Variants in MYO7B observed in about 807,000 individuals in gnomAD.
The protein encoded by MYO7B is myosin VIIB, also known as unconventional myosin-VIIb.
In MYO7B, 212 loss-of-function variants were observed where a neutral mutation model predicts 259.7. The observed-to-expected ratio is 0.82, with a 90% confidence interval of 0.73 to 0.91. The LOEUF (loss-of-function observed/expected upper bound fraction) is 0.91, where lower values mean the gene tolerates loss of function less well. Ranked by LOEUF, MYO7B falls within the 40% of genes least tolerant of loss-of-function variation. The pLI is 0.00. For missense variants in MYO7B, 2,732 were observed against 2,813.5 expected (o/e 0.97, Z 0.66); for synonymous variants, 1,197 against 1,166.4 (o/e 1.03, Z -0.54).
In MYO7B at chr2:127,635,180, C is replaced by G; in HGVS notation, c.5774C>G (p.Ser1925Cys). Residue 1925 changes from serine to cysteine, a missense_variant, in exon 43 of 48, where the codon TCT (serine) becomes TGT (cysteine). By Grantham distance (112) the Ser-to-Cys change is moderately radical (BLOSUM62 -1). This residue lies in a region of MYO7B where 821 missense variants were observed against 769.3 expected (regional missense o/e 1.07). Transcript: ENST00000409816. ...YFMRKLWLNI[S>C]PGKDVNADTI... The stretch of plus-strand genomic sequence containing the variant: ...ATGCGGAAATTGTGGCTCAACATAT[C>G]TCCAGGGAAGGATGTGAATGCAGAC... 6.2e-7 allele frequency: 1 copy of G among 1,613,674 alleles called. No homozygotes were observed.
intron 9 of MYO7B, 58 bp downstream of exon 9, chr2:127,578,344 G>A (rs750011430): frequency 1.2e-6 from 2 of 1,600,642 alleles, no homozygotes; most frequent in South Asian, 2.2e-5. Flanking sequence ...GGGGACAGGA[G>A]CAGGAAGGCA....
rs747969345 is a variant in MYO7B at position 127,565,258 on chromosome 2, T to G, written c.158T>G (p.Phe53Cys). ...GAACACTGGATCCGAGCAGAGGACT[T>G]TGGTGTCCTCAGTCCCATGCACCCC... ...GKEHWIRAEDFGVLSPMHPNS... is the reference protein window; with the variant it reads ...GKEHWIRAEDCGVLSPMHPNS... Residue 53 changes from phenylalanine to cysteine, a missense_variant, in exon 4 of 48, where the codon TTT (phenylalanine) becomes TGT (cysteine). Physicochemically the swap from Phe to Cys is radical, Grantham distance 205. Around this residue, in one of 3 missense-constraint regions of MYO7B, gnomAD observed 1,906 missense variants for 2,026.4 expected, o/e 0.94. Coordinates refer to ENST00000409816, the MANE Select transcript of MYO7B (RefSeq NM_001393586.1). The G allele has an allele frequency of 1.2e-6, 2 of 1,613,928 alleles. No homozygotes were observed. The highest frequency in any genetic ancestry group is 1.7e-6 in the Non-Finnish European group (2 of 1,179,848).
intron 2 of MYO7B, among the ~76,000 whole-genome samples, chr2:127,560,994 C>T (rs549146366): frequency 1.3e-5 from 2 of 152,256 alleles, no homozygotes; most frequent in South Asian, 4.1e-4. Context: ...AGAAAGGACA[C>T]ACATGGTCTA....
At chr2:127,543,548 C>T (rs1693092700) in intron 1 of MYO7B, among the ~76,000 whole-genome samples, 2 of 152,056 alleles carry the variant, frequency 1.3e-5, no homozygotes, top group South Asian at 4.1e-4. Context: ...CTTTTCCCCA[C>T]AAAGGAAAAG....
chr2:127,589,271 ATGGGTGGGTGGATGGG>A (rs1474933553), intron 15 of MYO7B, among the ~76,000 whole-genome samples: 4 of 44,358 alleles, frequency 9.0e-5, no homozygotes, highest in South Asian at 8.4e-4. Flanking sequence ...GAGTGGATGG[ATGGGTGGGTGGATGGG>A]TGGGTGGGTG....
Position 127,627,345 on chromosome 2 carries a change from CTG to C in MYO7B, c.4460+36_4460+37del, listed in dbSNP as rs1558847573. 1 of 1,606,726 alleles carries C rather than the reference CTG, an allele frequency of 6.2e-7. No individual in the cohort carries two copies. The highest frequency in any genetic ancestry group is 1.1e-5 in the South Asian group (1 of 90,520). On this transcript the variant is annotated intron_variant, in intron 33 of 47. Transcript: ENST00000409816. This position sits in a 1 kb window ranked among gnomAD's most constrained non-coding sequence, Gnocchi z 5.6. ...CTGAGGGAAGATCTCTTCTTACACA[CTG>C]AGTCCTTGTGATGCATCTGGGGGCT...
Position 127,609,168 on chromosome 2 carries a change from C to T in MYO7B, c.2814+290C>T, listed in dbSNP as rs1322776265. Among the ~76,000 whole-genome samples the T allele has an allele frequency of 6.6e-6, 1 of 152,198 alleles. No homozygotes were observed. Among genetic ancestry groups the T allele is most frequent in the Non-Finnish European group, 1.5e-5 (1 of 68,032 alleles). On this transcript the variant is annotated intron_variant, in intron 22 of 47. Coordinates refer to ENST00000409816, the MANE Select transcript of MYO7B (RefSeq NM_001393586.1). The surrounding 1 kb of genome is among the most constrained non-coding windows in gnomAD (Gnocchi z 6.9). Reference sequence around the variant, plus strand: ...CCGCGTATATTTGACCCCACCCGGGCACCCCCAGAGCACCTTTGAGGCCGC... The same window carrying T: ...CCGCGTATATTTGACCCCACCCGGGTACCCCCAGAGCACCTTTGAGGCCGC...
intron 39 of MYO7B, 95 bp downstream of exon 39, chr2:127,632,496 T>C (rs1039781013): frequency 1.4e-6 from 2 of 1,429,810 alleles, no homozygotes; most frequent in Admixed American, 5.1e-5. Flanking sequence ...CTCATGGTCC[T>C]GGGAGGACTC....
intron 9 of MYO7B, among the ~76,000 whole-genome samples, chr2:127,579,076 A>C (rs568843909): frequency 6.6e-6 from 1 of 152,216 alleles, no homozygotes; most frequent in South Asian, 2.1e-4. Context: ...TAGGAGATGG[A>C]ATGTGTGAGC....
intron 30 of MYO7B, among the ~76,000 whole-genome samples, chr2:127,624,790 G>T (rs1681025008): frequency 6.6e-6 from 1 of 152,220 alleles, no homozygotes; most frequent in Non-Finnish European, 1.5e-5. Context: ...GTAGGGGATT[G>T]TGAGAAAGCA....
chr2:127,591,228 G>T (rs1189126371), intron 16 of MYO7B, among the ~76,000 whole-genome samples: 1 of 152,170 alleles, frequency 6.6e-6, no homozygotes, highest in African/African-American at 2.4e-5. Flanking sequence ...AATCTAGGTT[G>T]CATCTTCCTT....
At chr2:127,599,211 T>G (rs2104998945) in intron 19 of MYO7B, among the ~76,000 whole-genome samples, 1 of 152,342 alleles carries the variant, frequency 6.6e-6, no homozygotes, top group East Asian at 1.9e-4. Context: ...TCCATTTATT[T>G]AGCTCTTATT....
chr2:127,566,537 GC>G (rs1678350725), intron 4 of MYO7B, 105 bp from the exon 5 acceptor site: 3 of 943,942 alleles, frequency 3.2e-6, no homozygotes, highest in Non-Finnish European at 4.2e-6. Context: ...AAAGTCAGTG[GC>G]CCTGATAACC....
rs913329944 is a variant in MYO7B, at chr2:127,605,516, A to G, written c.2340-328A>G. ...GAGGTTGAAGCAGGAGAATTGCTCAAACCTGGGAGGTGGAGGTTACAGTGA... is the reference window on the plus strand; with the variant it reads ...GAGGTTGAAGCAGGAGAATTGCTCAGACCTGGGAGGTGGAGGTTACAGTGA... On this transcript the variant is annotated intron_variant, in intron 19 of 47. Transcript: ENST00000409816. Among the ~76,000 whole-genome samples the G allele has an allele frequency of 8.5e-5, 13 of 152,306 alleles. No individual in the cohort carries two copies. In the East Asian group the frequency reaches 2.5e-3, roughly 29 times the overall value.
At chr2:127,624,357 G>A (rs1376038402) in intron 30 of MYO7B, 37 bp downstream of exon 30, 1 of 1,533,164 alleles carries the variant, frequency 6.5e-7, no homozygotes, top group Non-Finnish European at 8.8e-7. Context: ...CCTAGGCTTT[G>A]CCATCAGGAA....
intron 16 of MYO7B, 65 bp from the exon 17 acceptor site, chr2:127,592,729 G>A: frequency 6.4e-7 from 1 of 1,550,624 alleles, no homozygotes; most frequent in Non-Finnish European, 8.7e-7. Context: ...GTGGTGGGGT[G>A]CCGGGAAGGG....
Position 127,630,940 on chromosome 2 carries a change from CCCCCACCTCCCAG to C in MYO7B, c.4937+42_4937+54del, listed in dbSNP as rs556566264. On this transcript the variant is annotated intron_variant, in intron 36 of 47. Coordinates refer to ENST00000409816, the MANE Select transcript of MYO7B (RefSeq NM_001393586.1). Reference sequence around the variant, plus strand: ...CCCAGCCCCGCTCCGCCTCATTGCACCCCCACCTCCCAGCCCCACCTCACCTCATTGCACCCCC... The same window carrying C: ...CCCAGCCCCGCTCCGCCTCATTGCACCCCCACCTCACCTCATTGCACCCCC... 3.6e-3 allele frequency: 5,547 copies of C among 1,536,706 alleles called. 31 individuals carry two copies. Among genetic ancestry groups the C allele is most frequent in the South Asian group, 0.012 (992 of 83,126 alleles).
chr2:127,627,538 GC>G lies in MYO7B; in HGVS notation c.4460+229del. The G allele has an allele frequency of 1.5e-6, 1 of 681,850 alleles. No individual in the cohort carries two copies. The highest frequency in any genetic ancestry group is 2.6e-6 in the Non-Finnish European group (1 of 381,944). The allele number at this position is 681,850 out of a possible 1,614,324, so 42.2% of individuals were successfully genotyped here. A position where few individuals can be genotyped will look rare whatever the true frequency, so the allele number is the denominator to read the frequency against. ...CATTGGGGCATCACGCGTTGCACTG[GC>G]AGCTTCTCTTTGAAACCCAGGTCCA... On this transcript the variant is annotated intron_variant, in intron 33 of 47. Transcript: ENST00000409816. The surrounding 1 kb of genome is among the most constrained non-coding windows in gnomAD (Gnocchi z 5.6).
At chr2:127,601,439 T>C (rs1679960812) in intron 19 of MYO7B, among the ~76,000 whole-genome samples, 1 of 152,226 alleles carries the variant, frequency 6.6e-6, no homozygotes, top group South Asian at 2.1e-4. Flanking sequence ...GGATTTGCCT[T>C]TTCCATTTCA....
Sources: gnomAD v4.1 joint callset for allele counts (sites outside exome capture counted in the v4.1 genomes callset) on GRCh38, gnomAD v4.1.1 for gene constraint, gnomAD v4.1.1 regional missense constraint, Gnocchi (gnomAD v3.1) non-coding constraint, MANE v1.5 for transcripts, NCBI Gene and HGNC (gene_info 2026-07-23, HGNC 2026-07-21) for gene names.